Variants in GALNT13 observed in about 807,000 individuals in gnomAD.
GALNT13 encodes polypeptide N-acetylgalactosaminyltransferase 13.
Under a neutral mutation model 64.2 loss-of-function variants are expected in GALNT13, and 28 were observed. The ratio of observed to expected loss-of-function variants is 0.44; its 90% CI spans 0.32 to 0.60. The LOEUF (loss-of-function observed/expected upper bound fraction) is 0.60. GALNT13 is among the 20% of genes least tolerant of loss of function. GALNT13 has a pLI of 0.05. For missense variants in GALNT13, 577 were observed against 669.8 expected (o/e 0.86, Z 1.53); for synonymous variants, 214 against 224.6 (o/e 0.95, Z 0.42).
chr2:153,480,537 G>A, the GALNT13 span, among the ~76,000 whole-genome samples: 4 of 151,894 alleles, frequency 2.6e-5, no homozygotes, highest in Non-Finnish European at 5.9e-5. Flanking sequence ...CCTCACTCTC[G>A]GCAATTTCTT....
the GALNT13 span, among the ~76,000 whole-genome samples, chr2:153,461,672 A>G: frequency 6.6e-6 from 1 of 152,116 alleles, no homozygotes; most frequent in East Asian, 1.9e-4. Context: ...TCTGTCCAAG[A>G]ATGACATGAA....
At chr2:153,447,128 A>G in the GALNT13 span, among the ~76,000 whole-genome samples, 1 of 152,186 alleles carries the variant, frequency 6.6e-6, no homozygotes, top group African/African-American at 2.4e-5. Context: ...CCCTAATAAA[A>G]TAAACCTAAC....
the GALNT13 span, among the ~76,000 whole-genome samples, chr2:153,782,883 A>G: frequency 6.6e-6 from 1 of 152,190 alleles, no homozygotes; most frequent in Non-Finnish European, 1.5e-5. Context: ...GCCAACAACC[A>G]TGTGAGCTCA....
chr2:154,154,078 C>CTTATA (rs1198164967), intron 4 of GALNT13, among the ~76,000 whole-genome samples: 8 of 152,190 alleles, frequency 5.3e-5, no homozygotes, highest in Admixed American at 3.9e-4. Context: ...ATCTTGGCTG[C>CTTATA]TTCAGTGTGT....
At chr2:153,981,357 C>G (rs1694448217) in intron 3 of GALNT13, among the ~76,000 whole-genome samples, 2 of 152,000 alleles carry the variant, frequency 1.3e-5, no homozygotes, top group African/African-American at 4.8e-5. Flanking sequence ...CTGATGCTAT[C>G]CCTCCCCACT....
chr2:153,428,489 C>T, the GALNT13 span, among the ~76,000 whole-genome samples: 2 of 152,170 alleles, frequency 1.3e-5, no homozygotes, highest in South Asian at 4.1e-4. Context: ...TTCTTCCCAT[C>T]AGGCCCCACC....
intron 7 of GALNT13, among the ~76,000 whole-genome samples, chr2:154,249,692 T>A (rs1689968695): frequency 6.6e-6 from 1 of 152,234 alleles, no homozygotes; most frequent in East Asian, 1.9e-4. Context: ...CATTTTTACT[T>A]CAAGTGCCAT....
chr2:153,196,455 A>G, the GALNT13 span, among the ~76,000 whole-genome samples: 12 of 152,112 alleles, frequency 7.9e-5, no homozygotes, highest in East Asian at 2.0e-4. Context: ...CTACTTCAGG[A>G]TTGGAGCAGG....
chr2:154,425,281 G>A (rs571770731), intron 11 of GALNT13, among the ~76,000 whole-genome samples: 22 of 152,034 alleles, frequency 1.4e-4, no homozygotes, highest in Non-Finnish European at 2.5e-4. Flanking sequence ...ATTCAGATGG[G>A]ATAGCAAAAA....
At chr2:153,221,773 G>A in the GALNT13 span, among the ~76,000 whole-genome samples, 13 of 152,218 alleles carry the variant, frequency 8.5e-5, no homozygotes, top group African/African-American at 3.1e-4. Flanking sequence ...AGGGCGGGCA[G>A]CTCCAGGCAC....
At chr2:154,325,939 C>T (rs1410468866) in intron 9 of GALNT13, among the ~76,000 whole-genome samples, 3 of 152,180 alleles carry the variant, frequency 2.0e-5, no homozygotes, top group Non-Finnish European at 4.4e-5. Flanking sequence ...ACTCCGAGGG[C>T]GGGGCCCAGG....
chr2:154,322,144 CTTTTTT>C (rs70983718), intron 9 of GALNT13, among the ~76,000 whole-genome samples: 1 of 16,632 alleles, frequency 6.0e-5, no homozygotes, highest in Admixed American at 1.0e-3. Context: ...AAAATATGTA[CTTTTTT>C]TTTTTTTTTT....
the GALNT13 span, among the ~76,000 whole-genome samples, chr2:153,300,288 C>T: frequency 6.6e-6 from 1 of 152,204 alleles, no homozygotes; most frequent in Non-Finnish European, 1.5e-5. Context: ...TTCTCACTCT[C>T]TCAGCTCCTT....
the GALNT13 span, among the ~76,000 whole-genome samples, chr2:153,452,532 A>C: frequency 5.1e-4 from 78 of 151,926 alleles, no homozygotes; most frequent in Middle Eastern, 3.2e-3. Flanking sequence ...AGTGAAATAA[A>C]ATATTTTACA....
chr2:153,422,552 A>G, the GALNT13 span, among the ~76,000 whole-genome samples: 229 of 152,304 alleles, frequency 1.5e-3, no homozygotes, highest in African/African-American at 5.2e-3. Context: ...TGCTCTTATC[A>G]CAATAAAAAA....
intron 11 of GALNT13, among the ~76,000 whole-genome samples, chr2:154,417,636 C>T (rs1298958675): frequency 3.3e-5 from 5 of 151,622 alleles, no homozygotes; most frequent in South Asian, 2.1e-4. Flanking sequence ...TCAGCCCCCC[C>T]GAGTAGCTGG....
At chr2:154,284,502 T>C (rs1692145766) in intron 8 of GALNT13, among the ~76,000 whole-genome samples, 1 of 150,302 alleles carries the variant, frequency 6.7e-6, no homozygotes, top group Non-Finnish European at 1.5e-5. Context: ...TGTATATATG[T>C]ATCTGTATAC....
chr2:153,561,395 A>C, the GALNT13 span, among the ~76,000 whole-genome samples: 1 of 152,118 alleles, frequency 6.6e-6, no homozygotes, highest in Non-Finnish European at 1.5e-5. Flanking sequence ...TGGGACCTGA[A>C]TCTAAACATA....
At chr2:153,949,105 A>G (rs1299832588) in intron 3 of GALNT13, among the ~76,000 whole-genome samples, 1 of 152,136 alleles carries the variant, frequency 6.6e-6, no homozygotes, top group Non-Finnish European at 1.5e-5. Flanking sequence ...GCATAGTAAC[A>G]TGTTATACAA....
Sources: allele counts gnomAD v4.1 joint callset (sites outside exome capture counted in the v4.1 genomes callset), GRCh38; gene constraint gnomAD v4.1.1; transcripts MANE v1.5; gene names NCBI Gene and HGNC (gene_info 2026-07-23, HGNC 2026-07-21).